Variants in FHIT observed in about 807,000 individuals in gnomAD.
The protein encoded by FHIT is fragile histidine triad diadenosine triphosphatase.
A neutral mutation model predicts 17.9 loss-of-function variants in FHIT; 19 were observed. The observed-to-expected ratio is 1.06, with a 90% confidence interval of 0.74 to 1.56. FHIT has a LOEUF of 1.56. Ranked by LOEUF, FHIT falls within the 40% of genes most tolerant of loss-of-function variation. The pLI is 0.00. For missense variants in FHIT, 248 were observed against 189.2 expected, an observed-to-expected ratio of 1.31 and a Z score of -1.82; for synonymous variants, 81 against 69.7, an observed-to-expected ratio of 1.16 and a Z score of -0.81.
chr3:60,188,030 T>G (rs1389664763), intron 5 of FHIT, among the ~76,000 whole-genome samples: 1 of 152,102 alleles, frequency 6.6e-6, no homozygotes, highest in African/African-American at 2.4e-5. Flanking sequence ...TTCAAAATGA[T>G]GCACCTGTAT....
chr3:61,013,617 T>C lies in FHIT; in HGVS notation c.-111+28430A>G. Among the ~76,000 whole-genome samples the C allele has an allele frequency of 1.3e-5, 2 of 151,622 alleles. 1 individual carries two copies. The highest frequency in any genetic ancestry group is 2.9e-5 in the Non-Finnish European group (2 of 67,942). ...AGTCCAACAAGGCAAAAAAGGAAAA[T>C]AGAAAAGAAGGGAGAGAGAAAAAAG... On this transcript the variant is annotated intron_variant, in intron 3 of 9. Coordinates refer to ENST00000492590, the MANE Select transcript of FHIT (RefSeq NM_002012.4).
intron 8 of FHIT, among the ~76,000 whole-genome samples, chr3:59,759,695 C>A (rs1036280134): frequency 1.3e-5 from 2 of 152,134 alleles, no homozygotes; most frequent in Non-Finnish European, 2.9e-5. Context: ...ATGCTTCTGG[C>A]ACCTCCCTGG....
intron 8 of FHIT, among the ~76,000 whole-genome samples, chr3:59,844,759 A>C (rs374596579): frequency 2.6e-5 from 4 of 152,288 alleles, no homozygotes; most frequent in African/African-American, 9.6e-5. Flanking sequence ...AATGTTTATA[A>C]GGGATATTGG....
intron 2 of FHIT, among the ~76,000 whole-genome samples, chr3:61,076,164 T>C (rs561727086): frequency 6.6e-6 from 1 of 152,268 alleles, no homozygotes; most frequent in South Asian, 2.1e-4. Context: ...ACAGATAATC[T>C]GCGATATCAA....
intron 5 of FHIT, among the ~76,000 whole-genome samples, chr3:60,481,623 G>A (rs1056209460): frequency 1.3e-5 from 2 of 152,108 alleles, no homozygotes; most frequent in Admixed American, 1.3e-4. Context: ...ACAAGCAAAT[G>A]CTGAGGGATT....
chr3:61,141,042 A>G (rs776255933), intron 2 of FHIT, among the ~76,000 whole-genome samples: 3 of 152,224 alleles, frequency 2.0e-5, no homozygotes, highest in Non-Finnish European at 4.4e-5. Flanking sequence ...TTCAAGTTTT[A>G]CAATTTGAGG....
chr3:60,321,263 T>C (rs1199453003), intron 5 of FHIT, among the ~76,000 whole-genome samples: 1 of 152,176 alleles, frequency 6.6e-6, no homozygotes, highest in Non-Finnish European at 1.5e-5. Flanking sequence ...GCAGATCACT[T>C]GAGCTCAGGA....
intron 5 of FHIT, among the ~76,000 whole-genome samples, chr3:60,471,227 T>C (rs563962473): frequency 6.6e-6 from 1 of 152,262 alleles, no homozygotes; most frequent in Admixed American, 6.5e-5. Context: ...GCTGATATCT[T>C]CTTAGGTCAT....
chr3:60,272,485 A>T (rs1706909750), intron 5 of FHIT, among the ~76,000 whole-genome samples: 1 of 152,206 alleles, frequency 6.6e-6, no homozygotes, highest in Non-Finnish European at 1.5e-5. Flanking sequence ...GGGTATCTTC[A>T]GGAAGCAGTA....
chr3:60,101,836 T>C (rs1438948097), intron 5 of FHIT, among the ~76,000 whole-genome samples: 2 of 152,190 alleles, frequency 1.3e-5, no homozygotes, highest in South Asian at 2.1e-4. Flanking sequence ...ACATGGACAA[T>C]TACGCAAGGC....
intron 8 of FHIT, among the ~76,000 whole-genome samples, chr3:59,805,827 T>TGC (rs1305514872): frequency 6.6e-6 from 1 of 152,186 alleles, no homozygotes; most frequent in Non-Finnish European, 1.5e-5. Context: ...CTGAGCATGA[T>TGC]GCTGGGTATG....
chr3:59,879,020 A>G (rs965659138), intron 8 of FHIT, among the ~76,000 whole-genome samples: 3 of 152,096 alleles, frequency 2.0e-5, no homozygotes, highest in African/African-American at 4.8e-5. Context: ...AGGAAAAAAA[A>G]AAGAAGAAGA....
intron 5 of FHIT, among the ~76,000 whole-genome samples, chr3:60,337,481 A>G (rs906671141): frequency 6.6e-6 from 1 of 152,210 alleles, no homozygotes; most frequent in Non-Finnish European, 1.5e-5. Flanking sequence ...TAATGATGCA[A>G]TCATTCTTCC....
rs558429548 is a variant in FHIT at position 60,292,283 on chromosome 3, C to T, written c.103+244577G>A. ...TTTTTTAAGCAAGGCTGTTGTGAGACGCTTCGAAATAGTTGAATATAAACC... is the reference window on the plus strand; with the variant it reads ...TTTTTTAAGCAAGGCTGTTGTGAGATGCTTCGAAATAGTTGAATATAAACC... On this transcript the variant is annotated intron_variant, in intron 5 of 9. Transcript: ENST00000492590. Among the ~76,000 whole-genome samples the T allele has an allele frequency of 2.2e-3, 333 of 152,208 alleles. 1 individual carries two copies. The highest frequency in any genetic ancestry group is 3.8e-3 in the Non-Finnish European group (256 of 68,010).
At chr3:59,790,859 T>C (rs1231680952) in intron 8 of FHIT, among the ~76,000 whole-genome samples, 2 of 152,110 alleles carry the variant, frequency 1.3e-5, no homozygotes, top group Non-Finnish European at 2.9e-5. Context: ...TAAGTAAACT[T>C]TTTTTTAATG....
chr3:60,780,689 G>T (rs1700355335), intron 4 of FHIT, among the ~76,000 whole-genome samples: 1 of 152,118 alleles, frequency 6.6e-6, no homozygotes, highest in Admixed American at 6.5e-5. Flanking sequence ...AGCAGTTAAG[G>T]TCAGTCTTCA....
At chr3:60,687,575 G>A (rs2040887046) in intron 4 of FHIT, among the ~76,000 whole-genome samples, 1 of 151,924 alleles carries the variant, frequency 6.6e-6, no homozygotes, top group South Asian at 2.1e-4. Flanking sequence ...TGGTTTCTTT[G>A]AGATATAATA....
At chr3:60,229,921 G>A (rs1576341075) in intron 5 of FHIT, among the ~76,000 whole-genome samples, 1 of 152,202 alleles carries the variant, frequency 6.6e-6, no homozygotes, top group Non-Finnish European at 1.5e-5. Context: ...CTTTGAGGCT[G>A]CAGTGAGCTA....
intron 5 of FHIT, among the ~76,000 whole-genome samples, chr3:60,401,831 A>G (rs945166348): frequency 6.6e-6 from 1 of 152,190 alleles, no homozygotes; most frequent in Non-Finnish European, 1.5e-5. Context: ...CTTGAAAACA[A>G]TTTGGACAAG....
Sources: gnomAD v4.1 joint callset for allele counts (sites outside exome capture counted in the v4.1 genomes callset) on GRCh38, gnomAD v4.1.1 for gene constraint, MANE v1.5 for transcripts, NCBI Gene and HGNC (gene_info 2026-07-23, HGNC 2026-07-21) for gene names.